ABCA4: variants seen among roughly 807,000 people sequenced by gnomAD.
The protein encoded by ABCA4 is ATP binding cassette subfamily A member 4, also known as retinal-specific phospholipid-transporting ATPase ABCA4.
ABCA4 carries 196 observed loss-of-function variants against 263.7 expected under a neutral mutation model. That is an observed-to-expected ratio of 0.74 (90% CI 0.66 to 0.84). The LOEUF (loss-of-function observed/expected upper bound fraction) is 0.84, where lower values mean the gene tolerates loss of function less well. Among genes scored for constraint, ABCA4 ranks in the 40% least tolerant of loss-of-function variants. ABCA4 has a pLI of 0.00. For missense variants in ABCA4, 2,792 were observed against 2,855.1 expected (o/e 0.98, Z 0.50); for synonymous variants, 1,133 against 1,094.2 (o/e 1.04, Z -0.70).
chr1:94,054,976 T>G, intron 16 of ABCA4, 135 bp downstream of exon 16: 2 of 962,982 alleles, frequency 2.1e-6, no homozygotes, highest in South Asian at 2.9e-5. Flanking sequence ...GGTGGATTTT[T>G]AACTTCTAGA....
In ABCA4 at chr1:94,062,664, T is replaced by C. The variant is rs769283184; in HGVS notation, c.1850A>G (p.Gln617Arg). Residue 617 changes from glutamine (Q) to arginine (R), a missense_variant, in exon 13 of 50, where the codon CAG (glutamine) becomes CGG (arginine). Coordinates refer to ENST00000370225, the MANE Select transcript of ABCA4 (RefSeq NM_000350.3). ...CTGCACCTGGCTCCTTGTGATCCCC[T>C]GTTCAACCATGTCCTGCAGATAGGC... ...GFAYLQDMVE[Q>R]GITRSQVQAE... 1.3e-5 allele frequency: 21 copies of C among 1,614,074 alleles called. No individual in the cohort carries two copies. In the Admixed American group the frequency reaches 3.5e-4, roughly 27 times the overall value.
chr1:94,067,976 A>G (rs1557789961), intron 11 of ABCA4, among the ~76,000 whole-genome samples: 1 of 152,226 alleles, frequency 6.6e-6, no homozygotes, highest in Non-Finnish European at 1.5e-5. Flanking sequence ...TTTGCAAAAT[A>G]TCTTGAAAGT....
intron 37 of ABCA4, 76 bp from the exon 38 acceptor site, chr1:94,014,766 A>G: frequency 7.0e-6 from 11 of 1,574,758 alleles, no homozygotes; most frequent in East Asian, 6.7e-5. Context: ...GATATAATGC[A>G]CTCCCCTTAC....
At chr1:94,086,342 A>C (rs1488448738) in intron 6 of ABCA4, among the ~76,000 whole-genome samples, 1 of 152,192 alleles carries the variant, frequency 6.6e-6, no homozygotes, top group Non-Finnish European at 1.5e-5. Flanking sequence ...TCTGCTTTTA[A>C]GTTGTCTTTT....
At chr1:94,080,861 GAAAAACA>G (rs1661678495) in intron 7 of ABCA4, 143 bp from the exon 8 acceptor site, 2 of 1,301,202 alleles carry the variant, frequency 1.5e-6, no homozygotes, top group South Asian at 1.3e-5. Flanking sequence ...ATCCAGCTGC[GAAAAACA>G]AAAAACAAAA....
intron 14 of ABCA4, among the ~76,000 whole-genome samples, chr1:94,057,867 G>A (rs937005380): frequency 1.3e-5 from 2 of 152,176 alleles, no homozygotes; most frequent in Non-Finnish European, 1.5e-5. Flanking sequence ...CTCTGAACAC[G>A]TAAATGAGTA....
rs1249295549 is a variant in ABCA4 at position 94,015,793 on chromosome 1, G to A, written c.5258C>T (p.Ala1753Val). The stretch of plus-strand genomic sequence containing the variant: ...AGGAAGGTTTTCTGGAGAAGTGTAG[G>A]CTTTCTTCTGAAACCCGATGAAGAT... ...VGIFIGFQKK[A>V]YTSPENLPAL... Residue 1753 changes from alanine to valine, a missense_variant, in exon 37 of 50, where the codon GCC becomes GTC. Physicochemically the swap from Ala to Val is moderately conservative, Grantham distance 64. Transcript: ENST00000370225. The A allele has an allele frequency of 6.2e-7, 1 of 1,614,010 alleles. No individual in the cohort carries two copies. The highest frequency in any genetic ancestry group is 1.7e-5 in the Admixed American group (1 of 59,994).
chr1:94,050,514 T>G (rs1660807216), intron 17 of ABCA4, among the ~76,000 whole-genome samples: 1 of 152,250 alleles, frequency 6.6e-6, no homozygotes, highest in Non-Finnish European at 1.5e-5. Context: ...TGCCTTCCGT[T>G]GGCAAACATA....
intron 1 of ABCA4, 75 bp downstream of exon 1, chr1:94,120,905 A>ACCCCCCCCCCCCCCCCCCCCCCCCC: frequency 6.8e-6 from 1 of 146,894 alleles, no homozygotes; most frequent in South Asian, 3.9e-5. Flanking sequence ...ACCCTACCCC[A>ACCCCCCCCCCCCCCCCCCCCCCCCC]CCACCCCACC....
chr1:94,045,029 G>A (rs201766621), intron 19 of ABCA4, among the ~76,000 whole-genome samples: 3 of 152,222 alleles, frequency 2.0e-5, no homozygotes, highest in East Asian at 1.9e-4. Flanking sequence ...AAATGTTCAC[G>A]TGCAGTCACA....
rs146786552 is a variant in ABCA4, at chr1:94,037,350, C to T, written c.3608G>A (p.Gly1203Glu). 777 of 1,613,974 alleles carry T rather than the reference C, an allele frequency of 4.8e-4. 2 individuals carry two copies. The highest frequency in any genetic ancestry group is 1.5e-3 in the Middle Eastern group (9 of 6,062). ...DDLTPEQVLDGDVNELMDVVL... is the reference protein window; with the variant it reads ...DDLTPEQVLDEDVNELMDVVL... ...TACATCCATCAGCTCATTTACATCC[C>T]CTAGGACAAGAAAAAAGACTGATGC... The change falls in exon 25 of 50, where the codon GGG becomes GAG. Residue 1203 changes from glycine (G) to glutamate (E), a missense_variant and splice_region_variant. Physicochemically the swap from Gly to Glu is moderately conservative, Grantham distance 98 (BLOSUM62 -2). Transcript: ENST00000370225.
At chr1:94,055,509 CAA>C (rs1369633011) in intron 15 of ABCA4, among the ~76,000 whole-genome samples, 194 bp from the exon 16 acceptor site, 2 of 152,122 alleles carry the variant, frequency 1.3e-5, no homozygotes, top group Non-Finnish European at 2.9e-5. Flanking sequence ...TCTCTGCAAA[CAA>C]GAGAGTCTCT....
intron 40 of ABCA4, among the ~76,000 whole-genome samples, chr1:94,009,313 C>T (rs771538366): frequency 1.3e-5 from 2 of 152,132 alleles, no homozygotes; most frequent in African/African-American, 2.4e-5. Context: ...TACTAACCTC[C>T]GAGCCTCCCA....
Position 94,042,902 on chromosome 1 carries a change from G to T in ABCA4, c.3191-4C>A. The stretch of plus-strand genomic sequence containing the variant: ...GACAGCTTTCTCTGCATGCCACCTG[G>T]AGGCACAAGAAGGACGGGAGAGTTA... On this transcript the variant is annotated splice_polypyrimidine_tract_variant and splice_region_variant and intron_variant, in intron 21 of 49. Coordinates refer to ENST00000370225, the MANE Select transcript of ABCA4 (RefSeq NM_000350.3). 1 of 1,614,182 alleles carries T rather than the reference G, an allele frequency of 6.2e-7. No individual in the cohort carries two copies. The highest frequency in any genetic ancestry group is 8.5e-7 in the Non-Finnish European group (1 of 1,180,038).
At position 94,045,768 on chromosome 1, in the gene ABCA4, G is replaced by C. The variant is rs1232863973; in HGVS notation, c.2919-1024C>G. The C allele has an allele frequency of 1.3e-5, 6 of 456,136 alleles. No individual in the cohort carries two copies. In the Admixed American group the frequency reaches 1.4e-4, roughly 11 times the overall value. The allele number at this position is 456,136 out of a possible 1,614,324, so 28.3% of individuals were successfully genotyped here. A position where few individuals can be genotyped will look rare whatever the true frequency, so the allele number is the denominator to read the frequency against. On this transcript the variant is annotated intron_variant, in intron 19 of 49. Coordinates refer to ENST00000370225, the MANE Select transcript of ABCA4 (RefSeq NM_000350.3). ...ATTCCATTCACACTGAACCGCCCTA[G>C]AGAACATTCCATCACAGGGTGTACA...
Position 94,031,580 on chromosome 1 carries a change from G to A in ABCA4, c.4128+198C>T, listed in dbSNP as rs536137268. Among the ~76,000 whole-genome samples the A allele has an allele frequency of 2.6e-5, 4 of 152,252 alleles. No individual in the cohort carries two copies. In the South Asian group the frequency reaches 6.2e-4, roughly 24 times the overall value. ...TATTATTCTATTTTCTTTGCTAGGGGAGGTCCAACTTACAAAGAAGATTCA... is the reference window on the plus strand; with the variant it reads ...TATTATTCTATTTTCTTTGCTAGGGAAGGTCCAACTTACAAAGAAGATTCA... On this transcript the variant is annotated intron_variant, in intron 27 of 49. Coordinates refer to ENST00000370225, the MANE Select transcript of ABCA4 (RefSeq NM_000350.3).
chr1:94,073,543 T>C (rs1661462983), intron 11 of ABCA4, among the ~76,000 whole-genome samples: 1 of 152,212 alleles, frequency 6.6e-6, no homozygotes, highest in Non-Finnish European at 1.5e-5. Flanking sequence ...GTCAGTGCTT[T>C]GCATGAATTA....
At chr1:94,094,635 C>T (rs1166419530) in intron 6 of ABCA4, among the ~76,000 whole-genome samples, 1 of 152,194 alleles carries the variant, frequency 6.6e-6, no homozygotes, top group African/African-American at 2.4e-5. Flanking sequence ...TGGCACCCGC[C>T]TCGGTTCCCC....
At chr1:94,052,878 C>T (rs567334143) in intron 16 of ABCA4, among the ~76,000 whole-genome samples, 111 of 152,296 alleles carry the variant, frequency 7.3e-4, no homozygotes, top group African/African-American at 2.3e-3. Context: ...TCCTCTACCA[C>T]ATCTGAGTTT....
Sources: gnomAD v4.1 joint callset for allele counts (sites outside exome capture counted in the v4.1 genomes callset) on GRCh38, gnomAD v4.1.1 for gene constraint, MANE v1.5 for transcripts, NCBI Gene and HGNC (gene_info 2026-07-23, HGNC 2026-07-21) for gene names.